SLC39A12: variants seen among roughly 807,000 people sequenced by gnomAD.
SLC39A12 encodes zinc transporter ZIP12.
SLC39A12 carries 63 observed loss-of-function variants against 71.1 expected under a neutral mutation model. That is an observed-to-expected ratio of 0.89 (90% CI 0.72 to 1.09). SLC39A12 has a LOEUF of 1.09. SLC39A12 is among the 50% of genes least tolerant of loss of function. SLC39A12 has a pLI of 0.00. For missense variants in SLC39A12, 892 were observed against 812.6 expected, an observed-to-expected ratio of 1.10 and a Z score of -1.19; for synonymous variants, 351 against 301.3, an observed-to-expected ratio of 1.16 and a Z score of -1.71.
intron 7 of SLC39A12, among the ~76,000 whole-genome samples, chr10:17,988,030 T>C (rs1835448981): frequency 6.6e-6 from 1 of 152,090 alleles, no homozygotes; most frequent in African/African-American, 2.4e-5. Context: ...AAAAATTAGC[T>C]GCACATGTTA....
rs1377020045 is a variant in SLC39A12, at chr10:18,035,321, A to G, written c.1948-7384A>G. Among the ~76,000 whole-genome samples, 840 of 135,684 alleles carry G rather than the reference A, an allele frequency of 6.2e-3. 9 individuals carry two copies. Among genetic ancestry groups the G allele is most frequent in the African/African-American group, 0.024 (778 of 32,108 alleles). 89.0% of individuals were successfully genotyped at this position (135,684 alleles called of 152,430 possible). ...AGATTTGGTCTTTTCACATAGTCCC[A>G]TATTTCTTGGAGGCTTTGCTCATTT... On this transcript the variant is annotated intron_variant, in intron 12 of 12. Transcript: ENST00000377369.
chr10:18,018,845 G>C (rs1211262998), intron 12 of SLC39A12, among the ~76,000 whole-genome samples: 1 of 152,082 alleles, frequency 6.6e-6, no homozygotes, highest in African/African-American at 2.4e-5. Context: ...TGATTCATTG[G>C]TGTTCTTTGT....
At chr10:17,986,339 C>CT (rs1835395260) in intron 6 of SLC39A12, among the ~76,000 whole-genome samples, 2 of 152,286 alleles carry the variant, frequency 1.3e-5, no homozygotes, top group South Asian at 4.1e-4. Context: ...TGTCTTAGTC[C>CT]TTGCTGTAAC....
intron 9 of SLC39A12, among the ~76,000 whole-genome samples, chr10:17,993,732 A>G (rs186143151): frequency 3.4e-4 from 52 of 152,334 alleles, no homozygotes; most frequent in African/African-American, 1.2e-3. Flanking sequence ...ATTCTGTCCA[A>G]TGAGAAGTTT....
chr10:18,035,553 A>T (rs1007591657), intron 12 of SLC39A12, among the ~76,000 whole-genome samples: 2 of 151,052 alleles, frequency 1.3e-5, no homozygotes, highest in African/African-American at 2.4e-5. Flanking sequence ...ATTCTTCTAA[A>T]TTTTTTTCAA....
chr10:18,038,771 G>T (rs73607900), intron 12 of SLC39A12, among the ~76,000 whole-genome samples: 2,190 of 152,294 alleles, frequency 0.014, 58 homozygotes, highest in African/African-American at 0.05. Flanking sequence ...TTCTAGCTCT[G>T]TGTTTTTGTA....
intron 7 of SLC39A12, among the ~76,000 whole-genome samples, chr10:17,989,408 A>G (rs1210980778): frequency 1.3e-5 from 2 of 152,254 alleles, no homozygotes; most frequent in Admixed American, 6.5e-5. Flanking sequence ...GCGGCGGCCC[A>G]GGCCTTTTTT....
chr10:17,985,234 G>A (rs372147350), intron 6 of SLC39A12, among the ~76,000 whole-genome samples: 2 of 152,158 alleles, frequency 1.3e-5, no homozygotes, highest in East Asian at 1.9e-4. Flanking sequence ...TCCCAGCTAC[G>A]CAGGAGGCTG....
chr10:17,983,737 G>T lies in SLC39A12; in HGVS notation c.1096+2254G>T, dbSNP rs545001923. Among the ~76,000 whole-genome samples the T allele has an allele frequency of 6.6e-5, 10 of 152,030 alleles. No individual in the cohort carries two copies. In the South Asian group the frequency reaches 2.1e-3, roughly 32 times the overall value. On this transcript the variant is annotated intron_variant, in intron 6 of 12. Transcript: ENST00000377369. ...GTGGAGGTTGCAGTGAGCCAAGATTGCACCATTGCACTCCAGCCTGGGCGA... is the reference window on the plus strand; with the variant it reads ...GTGGAGGTTGCAGTGAGCCAAGATTTCACCATTGCACTCCAGCCTGGGCGA...
chr10:17,987,676 A>G (rs1410515494), intron 7 of SLC39A12, 25 bp downstream of exon 7: 3 of 1,612,684 alleles, frequency 1.9e-6, no homozygotes, highest in African/African-American at 2.7e-5. Flanking sequence ...TCCATTTCAG[A>G]TAAAGTTCAC....
At position 17,959,979 on chromosome 10, in the gene SLC39A12, A is replaced by G. The variant is rs193083906; in HGVS notation, c.262-1602A>G. Reference sequence around the variant, plus strand: ...ACACACATTTGATGTTAATATTTTTATGTGGAATAGGGGCATCATAGAAAA... The same window carrying G: ...ACACACATTTGATGTTAATATTTTTGTGTGGAATAGGGGCATCATAGAAAA... On this transcript the variant is annotated intron_variant, in intron 2 of 12. Transcript: ENST00000377369. Among the ~76,000 whole-genome samples, 508 of 152,280 alleles carry G rather than the reference A, an allele frequency of 3.3e-3. 4 individuals are homozygous for G. Among genetic ancestry groups the G allele is most frequent in the Admixed American group, 0.011 (162 of 15,298 alleles).
At chr10:17,989,505 C>T (rs138408235) in intron 7 of SLC39A12, among the ~76,000 whole-genome samples, 1 of 152,176 alleles carries the variant, frequency 6.6e-6, no homozygotes, top group East Asian at 1.9e-4. Context: ...TGAGTCTCCC[C>T]CAGTGAGGGA....
intron 12 of SLC39A12, among the ~76,000 whole-genome samples, chr10:18,037,842 A>G (rs1212769229): frequency 1.3e-5 from 2 of 151,592 alleles, no homozygotes; most frequent in African/African-American, 4.9e-5. Context: ...CAACATCATG[A>G]AACCCCATCT....
chr10:18,029,899 A>G (rs1413647630), intron 12 of SLC39A12, among the ~76,000 whole-genome samples: 2 of 151,346 alleles, frequency 1.3e-5, no homozygotes, highest in African/African-American at 4.9e-5. Context: ...TGGAAAAAAT[A>G]TATACATATA....
At chr10:17,992,879 C>G (rs958911124) in intron 8 of SLC39A12, among the ~76,000 whole-genome samples, 1 of 152,104 alleles carries the variant, frequency 6.6e-6, no homozygotes, top group African/African-American at 2.4e-5. Context: ...TCACAGGGTA[C>G]AATACAGTTT....
intron 2 of SLC39A12, among the ~76,000 whole-genome samples, chr10:17,959,059 ATAGTT>A (rs1834621290): frequency 6.6e-6 from 1 of 152,198 alleles, no homozygotes; most frequent in African/African-American, 2.4e-5. Flanking sequence ...AATAGTACCA[ATAGTT>A]TAGTTTCAGG....
chr10:18,035,988 G>A (rs1032065506), intron 12 of SLC39A12, among the ~76,000 whole-genome samples: 24 of 152,134 alleles, frequency 1.6e-4, no homozygotes, highest in Non-Finnish European at 3.2e-4. Flanking sequence ...ACCCACTTGA[G>A]GAGGCAGTCT....
intron 12 of SLC39A12, among the ~76,000 whole-genome samples, chr10:18,039,869 T>C (rs1837170832): frequency 6.6e-6 from 1 of 152,236 alleles, no homozygotes; most frequent in African/African-American, 2.4e-5. Flanking sequence ...TTCTGCCATG[T>C]CCACTGTGGA....
Position 17,977,078 on chromosome 10 carries a change from G to A in SLC39A12, c.752-824G>A, listed in dbSNP as rs193247817. Among the ~76,000 whole-genome samples the A allele has an allele frequency of 3.5e-4, 53 of 151,982 alleles. 1 individual carries two copies. In the East Asian group the frequency reaches 9.9e-3, roughly 28 times the overall value. On this transcript the variant is annotated intron_variant, in intron 4 of 12. Transcript: ENST00000377369. ...TCTGCCCTCTCAAATATGCTGTTGA[G>A]TTCCTGTAGTGAACTTTTTGTTTCA... is the stretch of plus-strand genomic sequence containing the variant.
Sources: gnomAD v4.1 joint callset for allele counts (sites outside exome capture counted in the v4.1 genomes callset) on GRCh38, gnomAD v4.1.1 for gene constraint, MANE v1.5 for transcripts, NCBI Gene and HGNC (gene_info 2026-07-23, HGNC 2026-07-21) for gene names.